Variants in C3orf70 observed in about 807,000 individuals in gnomAD.
The protein encoded by C3orf70 is UPF0524 protein C3orf70.
Under a neutral mutation model 20.7 loss-of-function variants are expected in C3orf70, and 15 were observed. The ratio of observed to expected loss-of-function variants is 0.72; its 90% confidence interval spans 0.48 to 1.11. The LOEUF is 1.11. Ranked by LOEUF, C3orf70 falls within the 50% of genes most tolerant of loss-of-function variation. C3orf70 has a pLI of 0.00. For missense variants in C3orf70, 332 were observed against 317.6 expected, an observed-to-expected ratio of 1.05 and a Z score of -0.34; for synonymous variants, 161 against 125.7, an observed-to-expected ratio of 1.28 and a Z score of -1.88.
chr3:185,133,675 G>C (rs1437031157), intron 1 of C3orf70, among the ~76,000 whole-genome samples: 2 of 152,126 alleles, frequency 1.3e-5, no homozygotes, highest in African/African-American at 2.4e-5. Context: ...CTGGGGTAGA[G>C]GTTGCATGCA....
chr3:185,138,665 A>G (rs1265572937), intron 1 of C3orf70, among the ~76,000 whole-genome samples: 2 of 152,240 alleles, frequency 1.3e-5, no homozygotes. Context: ...CTATTAATTG[A>G]TTTTAAAAAA....
chr3:185,084,689 A>G (rs1046970032), intron 1 of C3orf70, among the ~76,000 whole-genome samples: 2 of 152,208 alleles, frequency 1.3e-5, no homozygotes, highest in African/African-American at 2.4e-5. Context: ...CATAGTTGAC[A>G]TGGAAGTAAA....
intron 1 of C3orf70, among the ~76,000 whole-genome samples, chr3:185,109,003 C>T (rs1315445279): frequency 6.6e-6 from 1 of 152,208 alleles, no homozygotes; most frequent in African/African-American, 2.4e-5. Context: ...GCTCTAGCTA[C>T]ATTTTTCTCT....
chr3:185,086,626 C>T (rs1246986061), intron 1 of C3orf70, among the ~76,000 whole-genome samples: 1 of 152,200 alleles, frequency 6.6e-6, no homozygotes, highest in Non-Finnish European at 1.5e-5. Context: ...GCCACCCAGT[C>T]TGTGGTATTT....
Position 185,153,016 on chromosome 3 carries a change from G to T in C3orf70, c.-193C>A. On this transcript the variant is annotated 5_prime_UTR_variant, in exon 1 of 2. Coordinates refer to ENST00000335012, the MANE Select transcript of C3orf70 (RefSeq NM_001025266.3). This position sits in a 1 kb window ranked among gnomAD's most constrained non-coding sequence, Gnocchi z 6.8. Reference sequence around the variant, plus strand: ...CGCCCCGGGCGCTGCGACCGGGTCCGGGCTGGCAGCCTCCCTCCCTCCGGC... The same window carrying T: ...CGCCCCGGGCGCTGCGACCGGGTCCTGGCTGGCAGCCTCCCTCCCTCCGGC... 1 of 250,156 alleles carries T rather than the reference G, an allele frequency of 4.0e-6. No individual in the cohort carries two copies. Among genetic ancestry groups the T allele is most frequent in the Non-Finnish European group, 7.2e-6 (1 of 139,580 alleles). The allele number at this position is 250,156 out of a possible 1,614,324, so 15.5% of individuals were successfully genotyped here. A position where few individuals can be genotyped will look rare whatever the true frequency, so the allele number is the denominator to read the frequency against.
rs1715306634 is a variant in C3orf70, at chr3:185,080,375, C to A, written c.*2632G>T. On this transcript the variant is annotated 3_prime_UTR_variant, in exon 2 of 2. Transcript: ENST00000335012. ...ACCTAGACAGAAGTCTTAGATGGTACTGAGAGACGGCCCAAGCCTGCCACT... is the reference window on the plus strand; with the variant it reads ...ACCTAGACAGAAGTCTTAGATGGTAATGAGAGACGGCCCAAGCCTGCCACT... 6.6e-6 allele frequency: 1 copy of A among 152,628 alleles called. No individual in the cohort carries two copies. Among genetic ancestry groups the A allele is most frequent in the Non-Finnish European group, 1.5e-5 (1 of 68,040 alleles). 9.5% of individuals were successfully genotyped at this position (152,628 alleles called of 1,614,324 possible).
chr3:185,136,994 A>G (rs1368740046), intron 1 of C3orf70, among the ~76,000 whole-genome samples: 1 of 152,142 alleles, frequency 6.6e-6, no homozygotes, highest in Non-Finnish European at 1.5e-5. Context: ...GAAAAGACGA[A>G]CCCACAATTT....
intron 1 of C3orf70, among the ~76,000 whole-genome samples, chr3:185,107,258 T>C (rs1026883278): frequency 2.6e-5 from 4 of 152,200 alleles, no homozygotes; most frequent in Non-Finnish European, 5.9e-5. Flanking sequence ...TCTTGCATTG[T>C]GAAGGGCCCG....
chr3:185,087,832 A>G (rs938951625), intron 1 of C3orf70, among the ~76,000 whole-genome samples: 1 of 152,306 alleles, frequency 6.6e-6, no homozygotes, highest in Middle Eastern at 3.4e-3. Context: ...ACCAAAATTT[A>G]CCAAGAAAAT....
At chr3:185,118,481 G>C (rs530302694) in intron 1 of C3orf70, among the ~76,000 whole-genome samples, 2 of 152,182 alleles carry the variant, frequency 1.3e-5, no homozygotes, top group East Asian at 1.9e-4. Flanking sequence ...TATATACCTT[G>C]TTGGTAGCAC....
At chr3:185,142,053 A>C (rs1431336487) in intron 1 of C3orf70, among the ~76,000 whole-genome samples, 1 of 152,182 alleles carries the variant, frequency 6.6e-6, no homozygotes, top group Non-Finnish European at 1.5e-5. Flanking sequence ...AAATGTTGAG[A>C]TATATGAAAA....
chr3:185,136,513 G>A (rs941692403), intron 1 of C3orf70, among the ~76,000 whole-genome samples: 113 of 152,276 alleles, frequency 7.4e-4, no homozygotes, highest in African/African-American at 2.6e-3. Context: ...ACAAGGTCAG[G>A]AGATCGAGAC....
chr3:185,129,322 G>T (rs935552225), intron 1 of C3orf70, among the ~76,000 whole-genome samples: 2 of 152,138 alleles, frequency 1.3e-5, no homozygotes, highest in African/African-American at 4.8e-5. Flanking sequence ...GAGAACATGC[G>T]CTATTTGGTT....
chr3:185,089,493 TTTA>T (rs1715521568), intron 1 of C3orf70, among the ~76,000 whole-genome samples: 1 of 152,178 alleles, frequency 6.6e-6, no homozygotes, highest in South Asian at 2.1e-4. Flanking sequence ...CCTAGTTCCT[TTTA>T]TTAAGAACTT....
chr3:185,140,969 CAAAAAAA>C (rs35570209), intron 1 of C3orf70, among the ~76,000 whole-genome samples: 1 of 136,674 alleles, frequency 7.3e-6, no homozygotes, highest in Non-Finnish European at 1.5e-5. Context: ...CCCTTGTCAC[CAAAAAAA>C]AAAAAGAAAA....
At chr3:185,147,674 C>T (rs1185395921) in intron 1 of C3orf70, among the ~76,000 whole-genome samples, 1 of 152,160 alleles carries the variant, frequency 6.6e-6, no homozygotes, top group Non-Finnish European at 1.5e-5. Flanking sequence ...CTATTAAGTG[C>T]TCAGCATAAT....
chr3:185,140,990 A>G (rs2108606010), intron 1 of C3orf70, among the ~76,000 whole-genome samples: 1 of 151,524 alleles, frequency 6.6e-6, no homozygotes, highest in South Asian at 2.1e-4. Flanking sequence ...AAGAAAAAAA[A>G]AGAAAAAGAC....
chr3:185,091,927 A>G (rs1458971839), intron 1 of C3orf70, among the ~76,000 whole-genome samples: 1 of 6,610 alleles, frequency 1.5e-4, no homozygotes, highest in Non-Finnish European at 2.3e-4. Flanking sequence ...ATATATATAT[A>G]TATATATATA....
chr3:185,102,227 G>C (rs1326980803), intron 1 of C3orf70, among the ~76,000 whole-genome samples: 1 of 152,088 alleles, frequency 6.6e-6, no homozygotes, highest in Non-Finnish European at 1.5e-5. Flanking sequence ...AAAGTCTCAG[G>C]ATACAAATTC....
Sources: allele counts gnomAD v4.1 joint callset (sites outside exome capture counted in the v4.1 genomes callset), GRCh38; gene constraint gnomAD v4.1.1; non-coding constraint Gnocchi (gnomAD v3.1); transcripts MANE v1.5; gene names NCBI Gene and HGNC (gene_info 2026-07-23, HGNC 2026-07-21).